SSBP2: variants seen among roughly 807,000 people sequenced by gnomAD.
SSBP2 encodes the protein single stranded DNA binding protein 2.
A neutral mutation model predicts 61.8 loss-of-function variants in SSBP2; 17 were observed. The ratio of observed to expected loss-of-function variants is 0.28; its 90% CI spans 0.19 to 0.41. The LOEUF (loss-of-function observed/expected upper bound fraction) is 0.41. Among genes scored for constraint, SSBP2 ranks in the 10% least tolerant of loss-of-function variants. The probability of loss-of-function intolerance (pLI) is 1.00; values close to 1 mark genes in which losing one functional copy is unlikely to be tolerated. For synonymous variants in SSBP2, 139 were observed against 141.3 expected, an observed-to-expected ratio of 0.98 and a Z score of 0.12; for missense variants, 310 against 458.7, an observed-to-expected ratio of 0.68 and a Z score of 2.96.
chr5:81,702,077 T>TA (rs542028689), intron 1 of SSBP2, among the ~76,000 whole-genome samples: 170 of 151,906 alleles, frequency 1.1e-3, no homozygotes, highest in African/African-American at 4.0e-3. Flanking sequence ...TTTTTTTAAT[T>TA]AAAAAAAAGA....
At chr5:81,495,616 T>C (rs1767218116) in intron 5 of SSBP2, among the ~76,000 whole-genome samples, 1 of 152,216 alleles carries the variant, frequency 6.6e-6, no homozygotes, top group Non-Finnish European at 1.5e-5. Flanking sequence ...ATGAAGGAAC[T>C]GTACTTTAGA....
At chr5:81,469,632 C>T (rs1224967948) in intron 8 of SSBP2, among the ~76,000 whole-genome samples, 1 of 151,912 alleles carries the variant, frequency 6.6e-6, no homozygotes, top group Non-Finnish European at 1.5e-5. Flanking sequence ...ACCCAGTGTT[C>T]ATGTATGGTG....
chr5:81,435,758 G>T (rs1189741581), intron 15 of SSBP2, among the ~76,000 whole-genome samples: 1 of 152,080 alleles, frequency 6.6e-6, no homozygotes, highest in African/African-American at 2.4e-5. Context: ...TAGGGAGATG[G>T]CCTAAAACTA....
chr5:81,493,291 TAGATAGATA>T (rs1561465942), intron 5 of SSBP2, among the ~76,000 whole-genome samples: 37 of 150,136 alleles, frequency 2.5e-4, no homozygotes, highest in African/African-American at 8.5e-4. Flanking sequence ...GATAGATAGA[TAGATAGATA>T]GATTAACAGG....
intron 1 of SSBP2, among the ~76,000 whole-genome samples, chr5:81,652,001 T>C (rs1449780102): frequency 6.6e-6 from 1 of 152,010 alleles, no homozygotes; most frequent in Non-Finnish European, 1.5e-5. Context: ...GGTAATTCCA[T>C]GTGGCTTCTA....
intron 4 of SSBP2, among the ~76,000 whole-genome samples, chr5:81,531,776 G>C (rs902039688): frequency 2.6e-5 from 4 of 151,976 alleles, no homozygotes; most frequent in Admixed American, 2.0e-4. Context: ...GAGTGCAAGA[G>C]AAAGATAAAT....
intron 6 of SSBP2, among the ~76,000 whole-genome samples, chr5:81,488,662 CA>C (rs1766617630): frequency 6.6e-6 from 1 of 151,176 alleles, no homozygotes; most frequent in Non-Finnish European, 1.5e-5. Flanking sequence ...ATTAACTCAT[CA>C]TTTAGCATTA....
At chr5:81,627,087 C>T (rs970772529) in intron 3 of SSBP2, among the ~76,000 whole-genome samples, 8 of 152,170 alleles carry the variant, frequency 5.3e-5, no homozygotes, top group African/African-American at 1.4e-4. Context: ...GAAAAAGTCT[C>T]ATATAGCTAG....
intron 15 of SSBP2, among the ~76,000 whole-genome samples, chr5:81,433,123 G>A (rs995967983): frequency 7.2e-5 from 11 of 152,076 alleles, no homozygotes; most frequent in Non-Finnish European, 1.6e-4. Flanking sequence ...ACAGCTCATT[G>A]AGAACGGGCC....
At chr5:81,548,297 T>C (rs1056702775) in intron 4 of SSBP2, among the ~76,000 whole-genome samples, 1 of 152,188 alleles carries the variant, frequency 6.6e-6, no homozygotes, top group African/African-American at 2.4e-5. Flanking sequence ...TGCAGGTTCA[T>C]TGATCATAAC....
At chr5:81,495,115 T>C (rs1767183594) in intron 5 of SSBP2, among the ~76,000 whole-genome samples, 1 of 152,126 alleles carries the variant, frequency 6.6e-6, no homozygotes, top group Admixed American at 6.5e-5. Flanking sequence ...TTTATCTCAA[T>C]TCCCTAAGAA....
intron 4 of SSBP2, among the ~76,000 whole-genome samples, chr5:81,607,633 G>A (rs1201565529): frequency 6.6e-6 from 1 of 152,146 alleles, no homozygotes; most frequent in Non-Finnish European, 1.5e-5. Context: ...TCTGGAAGAA[G>A]CCATGGATCA....
intron 4 of SSBP2, among the ~76,000 whole-genome samples, chr5:81,537,208 G>C (rs1014892029): frequency 6.6e-6 from 1 of 152,028 alleles, no homozygotes; most frequent in Non-Finnish European, 1.5e-5. Context: ...TTTTGGGGGG[G>C]ATTTCTGTGA....
intron 1 of SSBP2, among the ~76,000 whole-genome samples, chr5:81,739,930 C>T (rs1756895364): frequency 6.6e-6 from 1 of 152,128 alleles, no homozygotes; most frequent in African/African-American, 2.4e-5. Flanking sequence ...ATTTTGTCAA[C>T]TAGCAGCATT....
At chr5:81,505,481 C>T (rs1375157302) in intron 5 of SSBP2, among the ~76,000 whole-genome samples, 2 of 152,030 alleles carry the variant, frequency 1.3e-5, no homozygotes, top group Non-Finnish European at 2.9e-5. Flanking sequence ...ATCTTTAATT[C>T]CCCAAAGAAT....
At chr5:81,633,542 CTT>C (rs1747929579) in intron 3 of SSBP2, among the ~76,000 whole-genome samples, 1 of 152,074 alleles carries the variant, frequency 6.6e-6, no homozygotes, top group Non-Finnish European at 1.5e-5. Context: ...CTCTCTCTCT[CTT>C]TCTTTTTTTA....
At chr5:81,696,489 G>T (rs193218533) in intron 1 of SSBP2, among the ~76,000 whole-genome samples, 1 of 152,288 alleles carries the variant, frequency 6.6e-6, no homozygotes, top group East Asian at 1.9e-4. Context: ...TGGAAGTTGG[G>T]GGTGGGAGAA....
chr5:81,631,317 T>C (rs1257728349), intron 3 of SSBP2, among the ~76,000 whole-genome samples: 2 of 152,120 alleles, frequency 1.3e-5, no homozygotes, highest in African/African-American at 4.8e-5. Flanking sequence ...TAGTATGGCA[T>C]GCTTTCAGGA....
At chr5:81,712,869 A>G (rs1446584030) in intron 1 of SSBP2, among the ~76,000 whole-genome samples, 1 of 151,728 alleles carries the variant, frequency 6.6e-6, no homozygotes, top group East Asian at 1.9e-4. Flanking sequence ...GACTACAGGT[A>G]TGCGCCATCA....
Sources: gnomAD v4.1 joint callset for allele counts (sites outside exome capture counted in the v4.1 genomes callset) on GRCh38, gnomAD v4.1.1 for gene constraint, MANE v1.5 for transcripts, NCBI Gene and HGNC (gene_info 2026-07-23, HGNC 2026-07-21) for gene names.